The following SIAH3 variants were observed in gnomAD, a reference collection of about 807,000 sequenced individuals.
SIAH3 encodes the protein siah E3 ubiquitin protein ligase family member 3, also known as seven in absentia homolog 3.
A neutral mutation model predicts 12.6 loss-of-function variants in SIAH3; 9 were observed. That is an observed-to-expected ratio of 0.72 (90% CI 0.43 to 1.25). SIAH3 has a LOEUF of 1.25. Ranked by LOEUF, SIAH3 falls within the 50% of genes most tolerant of loss-of-function variation. The probability of loss-of-function intolerance (pLI) is 0.00; values close to 1 mark genes in which losing one functional copy is unlikely to be tolerated. For synonymous variants in SIAH3, 154 were observed against 151.1 expected, an observed-to-expected ratio of 1.02 and a Z score of -0.14; for missense variants, 390 against 365.4, an observed-to-expected ratio of 1.07 and a Z score of -0.55.
chr13:45,838,972 A>G (rs1950729285), intron 1 of SIAH3, among the ~76,000 whole-genome samples: 1 of 152,118 alleles, frequency 6.6e-6, no homozygotes, highest in East Asian at 1.9e-4. Context: ...AAATGTTGGA[A>G]GGGCATAAGG....
At chr13:45,831,542 ACTGGGGAAG>A (rs1268077331) in intron 1 of SIAH3, among the ~76,000 whole-genome samples, 3 of 152,170 alleles carry the variant, frequency 2.0e-5, no homozygotes, top group Non-Finnish European at 4.4e-5. Flanking sequence ...GCTGTTCTAG[ACTGGGGAAG>A]CTATGGTGGG....
At chr13:45,821,522 A>G (rs948658657) in intron 1 of SIAH3, among the ~76,000 whole-genome samples, 2 of 152,248 alleles carry the variant, frequency 1.3e-5, no homozygotes, top group Non-Finnish European at 2.9e-5. Context: ...CTACTGCCCC[A>G]TGGCCCAGTA....
chr13:45,844,303 C>T (rs1461791462), intron 1 of SIAH3, among the ~76,000 whole-genome samples: 5 of 152,214 alleles, frequency 3.3e-5, no homozygotes, highest in East Asian at 1.9e-4. Flanking sequence ...GGAAAAGCTG[C>T]CCTCAGTGTT....
At chr13:45,810,363 T>C (rs974367118) in intron 1 of SIAH3, among the ~76,000 whole-genome samples, 38 of 152,274 alleles carry the variant, frequency 2.5e-4, no homozygotes, top group Admixed American at 8.5e-4. Context: ...TCTTGACTCT[T>C]GTGTGTGTGG....
At chr13:45,806,250 A>C (rs1167251093) in intron 1 of SIAH3, among the ~76,000 whole-genome samples, 1 of 152,174 alleles carries the variant, frequency 6.6e-6, no homozygotes, top group Non-Finnish European at 1.5e-5. Context: ...TGTTCTACCA[A>C]AAAGATAAAC....
At chr13:45,837,738 T>G (rs1252929766) in intron 1 of SIAH3, among the ~76,000 whole-genome samples, 3 of 152,204 alleles carry the variant, frequency 2.0e-5, no homozygotes, top group Non-Finnish European at 2.9e-5. Context: ...TCTTCTTTAG[T>G]CTCACATTGT....
rs1950488049 is a variant in SIAH3 at position 45,777,309 on chromosome 13, T to G, written c.*6074A>C. 6.6e-6 allele frequency: 1 copy of G among 152,162 alleles called. No individual in the cohort carries two copies. The highest frequency in any genetic ancestry group is 2.4e-5 in the African/African-American group (1 of 41,444). The allele number at this position is 152,162 out of a possible 1,614,324, so 9.4% of individuals were successfully genotyped here. ...TGAGAGGGCAGAGATGAAGTAGCAG[T>G]TTGAGTTTGTCCAAGTTATTGTCTT... On this transcript the variant is annotated 3_prime_UTR_variant, in exon 2 of 2. Coordinates refer to ENST00000400405, the MANE Select transcript of SIAH3 (RefSeq NM_198849.3).
intron 1 of SIAH3, among the ~76,000 whole-genome samples, chr13:45,809,134 C>T (rs1345992893): frequency 6.6e-6 from 1 of 152,190 alleles, no homozygotes; most frequent in South Asian, 2.1e-4. Flanking sequence ...GGCTGCGCTG[C>T]ATAACCTCTG....
At chr13:45,814,238 C>CAAAAAAAA (rs56377017) in intron 1 of SIAH3, among the ~76,000 whole-genome samples, 2 of 72,708 alleles carry the variant, frequency 2.8e-5, no homozygotes, top group African/African-American at 6.3e-5. Flanking sequence ...GACTCTGTCT[C>CAAAAAAAA]AAAAAAAAAA....
At chr13:45,813,903 A>G (rs528570811) in intron 1 of SIAH3, among the ~76,000 whole-genome samples, 275 of 152,184 alleles carry the variant, frequency 1.8e-3, no homozygotes, top group African/African-American at 6.2e-3. Context: ...AACATTCCAA[A>G]GGGGTTAAGA....
intron 1 of SIAH3, among the ~76,000 whole-genome samples, chr13:45,826,387 G>GGGT (rs1950675681): frequency 3.1e-5 from 1 of 32,438 alleles, no homozygotes; most frequent in African/African-American, 1.2e-4. Flanking sequence ...ATGAATGGAT[G>GGGT]GATGGATGGA....
chr13:45,837,609 G>A (rs1249422044), intron 1 of SIAH3, among the ~76,000 whole-genome samples: 4 of 150,728 alleles, frequency 2.7e-5, no homozygotes, highest in Non-Finnish European at 5.9e-5. Flanking sequence ...GGGACAGAGG[G>A]AGGGAGGGAG....
At chr13:45,843,621 G>A (rs371614809) in intron 1 of SIAH3, among the ~76,000 whole-genome samples, 6 of 152,130 alleles carry the variant, frequency 3.9e-5, no homozygotes, top group Admixed American at 1.3e-4. Flanking sequence ...GTGGGGTTCC[G>A]TGCTTTCTTT....
intron 1 of SIAH3, among the ~76,000 whole-genome samples, chr13:45,795,177 A>G (rs1314845034): frequency 6.6e-6 from 1 of 152,128 alleles, no homozygotes; most frequent in Non-Finnish European, 1.5e-5. Context: ...TCCAGAGGTA[A>G]TTTTTCCATT....
At chr13:45,808,809 C>T (rs2137562688) in intron 1 of SIAH3, among the ~76,000 whole-genome samples, 1 of 152,276 alleles carries the variant, frequency 6.6e-6, no homozygotes, top group East Asian at 1.9e-4. Flanking sequence ...ATTAGGTTTC[C>T]ATTCTTGATG....
intron 1 of SIAH3, among the ~76,000 whole-genome samples, chr13:45,841,499 G>T (rs1950739999): frequency 6.6e-6 from 1 of 152,164 alleles, no homozygotes; most frequent in Non-Finnish European, 1.5e-5. Context: ...GCTGGAAACA[G>T]CCCTGCAATG....
chr13:45,802,272 C>T (rs953194513), intron 1 of SIAH3, among the ~76,000 whole-genome samples: 1 of 152,090 alleles, frequency 6.6e-6, no homozygotes, highest in Non-Finnish European at 1.5e-5. Flanking sequence ...TGCCACTGCT[C>T]TCCAGCCTGG....
At chr13:45,847,101 G>GA in intron 1 of SIAH3, among the ~76,000 whole-genome samples, 1 of 152,342 alleles carries the variant, frequency 6.6e-6, no homozygotes. Context: ...ACTGGACAGA[G>GA]AAACAAGACA....
intron 1 of SIAH3, among the ~76,000 whole-genome samples, chr13:45,830,714 G>A (rs565182162): frequency 5.1e-4 from 78 of 152,320 alleles, no homozygotes; most frequent in African/African-American, 1.8e-3. Context: ...AGTCTAGTGG[G>A]AGAACCCAGC....
Sources: allele counts gnomAD v4.1 joint callset (sites outside exome capture counted in the v4.1 genomes callset), GRCh38; gene constraint gnomAD v4.1.1; transcripts MANE v1.5; gene names NCBI Gene and HGNC (gene_info 2026-07-23, HGNC 2026-07-21).